The following MECOM variants were observed in gnomAD, a reference collection of about 807,000 sequenced individuals.
MECOM encodes the protein histone-lysine N-methyltransferase MECOM.
MECOM carries 13 observed loss-of-function variants against 116.3 expected under a neutral mutation model. The ratio of observed to expected loss-of-function variants is 0.11; its 90% confidence interval spans 0.07 to 0.18. The LOEUF is 0.18. Ranked by LOEUF, MECOM falls within the 10% of genes least tolerant of loss-of-function variation. MECOM has a pLI of 1.00. For synonymous variants in MECOM, 528 were observed against 535.2 expected (o/e 0.99, Z 0.19); for missense variants, 1,299 against 1,509.0 (o/e 0.86, Z 2.31).
At position 169,116,057 on chromosome 3, in the gene MECOM, A is replaced by G. The variant is rs1009773196; in HGVS notation, c.1815T>C (p.Ile605=). 3 of 1,613,934 alleles carry G rather than the reference A, an allele frequency of 1.9e-6. No homozygotes were observed. In the African/African-American group the frequency reaches 4.0e-5, roughly 22 times the overall value. ...CTTTAAATTTCTCTTTATCACTTTC[A>G]ATGTCACTTTCCAGATCAGAGCCCG... ...TTSGSDLESD[I]ESDKEKFKEN... The change falls in exon 8 of 17, where the codon ATT becomes ATC. Residue 605 remains isoleucine (I), a synonymous_variant. Coordinates refer to ENST00000651503, the MANE Select transcript of MECOM (RefSeq NM_004991.4).
At chr3:169,309,662 T>G (rs1226152376) in intron 2 of MECOM, among the ~76,000 whole-genome samples, 1 of 152,242 alleles carries the variant, frequency 6.6e-6, no homozygotes, top group Non-Finnish European at 1.5e-5. Flanking sequence ...CCTCAACTCT[T>G]ATCTTAAGCT....
At chr3:169,575,866 A>G (rs1350010378) in intron 1 of MECOM, among the ~76,000 whole-genome samples, 2 of 151,104 alleles carry the variant, frequency 1.3e-5, no homozygotes, top group Admixed American at 1.3e-4. Flanking sequence ...GGTTCCCTTA[A>G]GAGTTAAAAA....
At chr3:169,394,643 A>G (rs899688039) in intron 1 of MECOM, among the ~76,000 whole-genome samples, 2 of 152,198 alleles carry the variant, frequency 1.3e-5, no homozygotes, top group Non-Finnish European at 2.9e-5. Flanking sequence ...ATTATTTGAC[A>G]TAATGAGAAA....
chr3:169,502,894 C>T (rs774280874), intron 1 of MECOM, among the ~76,000 whole-genome samples: 1 of 152,116 alleles, frequency 6.6e-6, no homozygotes, highest in East Asian at 1.9e-4. Flanking sequence ...ATTAGGTTAT[C>T]AATGCCTACT....
At chr3:169,187,581 G>A (rs1577292805) in intron 2 of MECOM, among the ~76,000 whole-genome samples, 1 of 151,988 alleles carries the variant, frequency 6.6e-6, no homozygotes, top group Admixed American at 6.6e-5. Flanking sequence ...TAAAGAAATG[G>A]GTGTGGAATA....
chr3:169,220,029 T>C (rs1323384417), intron 2 of MECOM, among the ~76,000 whole-genome samples: 3 of 151,268 alleles, frequency 2.0e-5, no homozygotes, highest in Non-Finnish European at 2.9e-5. Context: ...TTTCTAACTA[T>C]ATAGTTAGAA....
At chr3:169,095,580 C>G (rs1178575442) in intron 12 of MECOM, among the ~76,000 whole-genome samples, 1 of 152,144 alleles carries the variant, frequency 6.6e-6, no homozygotes, top group Non-Finnish European at 1.5e-5. Context: ...GACAATACAA[C>G]TAATTTTTTT....
At chr3:169,156,790 T>C (rs937559727) in intron 2 of MECOM, among the ~76,000 whole-genome samples, 2 of 152,204 alleles carry the variant, frequency 1.3e-5, no homozygotes, top group African/African-American at 4.8e-5. Flanking sequence ...CTTAATAAGA[T>C]TTGGCATTAT....
intron 2 of MECOM, among the ~76,000 whole-genome samples, chr3:169,216,420 C>T (rs1210739127): frequency 6.6e-6 from 1 of 152,042 alleles, no homozygotes; most frequent in African/African-American, 2.4e-5. Flanking sequence ...ATCTTAAAAG[C>T]AATAGTTGAA....
intron 1 of MECOM, among the ~76,000 whole-genome samples, chr3:169,515,116 A>G (rs556004582): frequency 6.6e-6 from 1 of 152,246 alleles, no homozygotes; most frequent in East Asian, 1.9e-4. Context: ...CCCACCCAAC[A>G]GATCCAGCCT....
In MECOM at chr3:169,533,809, C is replaced by G. The variant is rs376445363; in HGVS notation, c.37+129527G>C. ...TATTTATTACTTACTGAAGGCTCCT[C>G]TCTCTCCAAGTCCCAGAGCAAGGCT... On this transcript the variant is annotated intron_variant, in intron 1 of 16. Coordinates refer to ENST00000651503, the MANE Select transcript of MECOM (RefSeq NM_004991.4). Among the ~76,000 whole-genome samples, 28 of 152,258 alleles carry G rather than the reference C, an allele frequency of 1.8e-4. 1 individual carries two copies. The highest frequency in any genetic ancestry group is 6.5e-4 in the African/African-American group (27 of 41,548).
rs1757032906 is a variant in MECOM, at chr3:169,257,815, T to C, written c.376-113983A>G. On this transcript the variant is annotated intron_variant, in intron 2 of 16. Transcript: ENST00000651503. The stretch of plus-strand genomic sequence containing the variant: ...TGCCGTAATGGTGTGGATAAATGCT[T>C]CCACTTCGTTTAGAGATGTAACCTA... Among the ~76,000 whole-genome samples the C allele has an allele frequency of 2.0e-5, 3 of 152,334 alleles. No homozygotes were observed. In the South Asian group the frequency reaches 6.2e-4, roughly 32 times the overall value.
chr3:169,107,815 G>T, intron 10 of MECOM, 111 bp downstream of exon 10: 2 of 833,786 alleles, frequency 2.4e-6, no homozygotes, highest in African/African-American at 1.7e-5. Flanking sequence ...ACCATATCAC[G>T]TAATGGAAAG....
chr3:169,640,082 C>T (rs891713080), intron 1 of MECOM, among the ~76,000 whole-genome samples: 1 of 151,972 alleles, frequency 6.6e-6, no homozygotes, highest in Non-Finnish European at 1.5e-5. Flanking sequence ...TCAGAGCAAA[C>T]CTGGAGTCAC....
chr3:169,230,477 A>G (rs1208836388), intron 2 of MECOM, among the ~76,000 whole-genome samples: 1 of 152,188 alleles, frequency 6.6e-6, no homozygotes, highest in African/African-American at 2.4e-5. Context: ...TCTCCAAGAT[A>G]CCAGTTCATT....
chr3:169,353,875 T>A (rs1726810752), intron 2 of MECOM, among the ~76,000 whole-genome samples: 1 of 151,898 alleles, frequency 6.6e-6, no homozygotes. Flanking sequence ...TTAAATAGTA[T>A]GACATTTCCC....
At chr3:169,278,759 A>G (rs1759917830) in intron 2 of MECOM, among the ~76,000 whole-genome samples, 1 of 152,236 alleles carries the variant, frequency 6.6e-6, no homozygotes, top group African/African-American at 2.4e-5. Context: ...AAAGGGAGCA[A>G]TGAAGGTTCC....
chr3:169,125,840 T>C (rs534105901), intron 5 of MECOM, among the ~76,000 whole-genome samples: 1 of 152,232 alleles, frequency 6.6e-6, no homozygotes, highest in East Asian at 1.9e-4. Flanking sequence ...TATTTTTTTG[T>C]TTGCATTCTT....
intron 8 of MECOM, among the ~76,000 whole-genome samples, chr3:169,113,363 GGT>G (rs1728050120): frequency 6.7e-6 from 1 of 149,010 alleles, no homozygotes; most frequent in African/African-American, 2.6e-5. Context: ...CACTCTTTGA[GGT>G]TCTCTCTCTC....
Sources: allele counts gnomAD v4.1 joint callset (sites outside exome capture counted in the v4.1 genomes callset), GRCh38; gene constraint gnomAD v4.1.1; transcripts MANE v1.5; gene names NCBI Gene and HGNC (gene_info 2026-07-23, HGNC 2026-07-21).